TRHDE: variants seen among roughly 807,000 people sequenced by gnomAD.
TRHDE encodes thyrotropin-releasing hormone-degrading ectoenzyme.
A neutral mutation model predicts 125.7 loss-of-function variants in TRHDE; 72 were observed. The observed-to-expected ratio is 0.57, with a 90% CI of 0.47 to 0.70. The LOEUF (loss-of-function observed/expected upper bound fraction) is 0.70. Ranked by LOEUF, TRHDE falls within the 30% of genes least tolerant of loss-of-function variation. The pLI, the probability that TRHDE is intolerant of heterozygous loss-of-function variation, is 0.00. For missense variants in TRHDE, 1,110 were observed against 1,327.1 expected, an observed-to-expected ratio of 0.84 and a Z score of 2.54; for synonymous variants, 509 against 509.1, an observed-to-expected ratio of 1.00 and a Z score of 0.00.
intron 3 of TRHDE, among the ~76,000 whole-genome samples, chr12:72,381,676 G>A (rs1298697749): frequency 6.6e-6 from 1 of 152,148 alleles, no homozygotes; most frequent in Non-Finnish European, 1.5e-5. Context: ...GATTACAGGC[G>A]TGAGCCACCG....
At chr12:72,499,731 C>G in intron 6 of TRHDE, 96 bp downstream of exon 6, 1 of 1,365,702 alleles carries the variant, frequency 7.3e-7, no homozygotes, top group Non-Finnish European at 1.0e-6. Flanking sequence ...TTTTTCCGGG[C>G]AGATAGACAT....
intron 2 of TRHDE, among the ~76,000 whole-genome samples, chr12:72,326,114 A>G (rs1168332213): frequency 6.6e-6 from 1 of 152,176 alleles, no homozygotes; most frequent in Non-Finnish European, 1.5e-5. Context: ...TTCATGAGAA[A>G]AAAATAGTCT....
intron 12 of TRHDE, among the ~76,000 whole-genome samples, chr12:72,593,191 T>C (rs549434267): frequency 6.6e-6 from 1 of 152,212 alleles, no homozygotes; most frequent in Non-Finnish European, 1.5e-5. Context: ...TGTTTCCACA[T>C]GTTTTTTGCT....
intron 2 of TRHDE, among the ~76,000 whole-genome samples, chr12:72,152,649 A>T (rs1330516236): frequency 1.3e-5 from 2 of 152,232 alleles, no homozygotes; most frequent in Non-Finnish European, 2.9e-5. Flanking sequence ...ATCTATTGAG[A>T]TAATCACGTG....
chr12:72,337,734 G>A (rs1029721437), intron 2 of TRHDE, among the ~76,000 whole-genome samples: 11 of 151,930 alleles, frequency 7.2e-5, no homozygotes, highest in Admixed American at 2.0e-4. Flanking sequence ...TCTTTTGCTG[G>A]TCTAGATTCA....
chr12:72,515,796 T>A (rs1207340470), intron 6 of TRHDE, among the ~76,000 whole-genome samples: 3 of 152,036 alleles, frequency 2.0e-5, no homozygotes, highest in Non-Finnish European at 4.4e-5. Flanking sequence ...AAGTGTTTAA[T>A]CCATCTTGAA....
chr12:72,273,616 G>C lies in TRHDE; in HGVS notation c.914+59G>C. 6.7e-7 allele frequency: 1 copy of C among 1,491,858 alleles called. No individual in the cohort carries two copies. The highest frequency in any genetic ancestry group is 9.0e-7 in the Non-Finnish European group (1 of 1,113,662). 92.4% of individuals were successfully genotyped at this position (1,491,858 alleles called of 1,614,324 possible). On this transcript the variant is annotated intron_variant, in intron 1 of 18. Transcript: ENST00000261180. This position sits in a 1 kb window ranked among gnomAD's most constrained non-coding sequence, Gnocchi z 5.3. ...CCCCGGCGCGCGGCTCGAACCTCTG[G>C]GCGGCCTGCGACCCCGGGGACCCAG...
At chr12:72,358,815 A>G (rs1376162787) in intron 2 of TRHDE, among the ~76,000 whole-genome samples, 1 of 151,636 alleles carries the variant, frequency 6.6e-6, no homozygotes, top group Non-Finnish European at 1.5e-5. Context: ...AATTGCAGGT[A>G]AGGGAGAGAT....
intron 9 of TRHDE, among the ~76,000 whole-genome samples, chr12:72,567,787 T>C (rs559515432): frequency 1.3e-5 from 2 of 152,122 alleles, no homozygotes; most frequent in Non-Finnish European, 2.9e-5. Context: ...ATTGGACTTA[T>C]TGTAAGACCA....
At chr12:72,168,300 A>G (rs536800183) in intron 2 of TRHDE, among the ~76,000 whole-genome samples, 19 of 152,330 alleles carry the variant, frequency 1.2e-4, no homozygotes, top group Admixed American at 3.9e-4. Context: ...GGAGTTCTGG[A>G]CATAATTTAG....
chr12:72,262,865 T>C lies in TRHDE; in HGVS notation n.280-115130T>C, dbSNP rs545575370. The C allele has an allele frequency of 4.7e-4, 72 of 152,216 alleles. 1 individual carries two copies. The highest frequency in any genetic ancestry group is 1.7e-3 in the African/African-American group (71 of 41,536). The allele number at this position is 152,216 out of a possible 1,614,324, so 9.4% of individuals were successfully genotyped here. A position where few individuals can be genotyped will look rare whatever the true frequency, so the allele number is the denominator to read the frequency against. On this transcript the variant is annotated intron_variant and non_coding_transcript_variant, in intron 2 of 4. Transcript: ENST00000548156. The stretch of plus-strand genomic sequence containing the variant: ...AATCAATATTCATTACTTTTCCACA[T>C]TGAAAGATTAAAGGAATAAATAATT...
rs563995397 is a variant in TRHDE at position 72,393,997 on chromosome 12, C to T, written c.1315+15876C>T. Reference sequence around the variant, plus strand: ...TGGAATTAGAGCTAGTAACTGTAAACGTGTACACCTGGCTCATACAAACAT... The same window carrying T: ...TGGAATTAGAGCTAGTAACTGTAAATGTGTACACCTGGCTCATACAAACAT... On this transcript the variant is annotated intron_variant, in intron 3 of 18. Transcript: ENST00000261180. Among the ~76,000 whole-genome samples the T allele has an allele frequency of 5.1e-4, 78 of 152,230 alleles. 2 individuals carry two copies. The highest frequency in any genetic ancestry group is 4.4e-3 in the Admixed American group (68 of 15,296).
intron 5 of TRHDE, among the ~76,000 whole-genome samples, chr12:72,480,203 G>A (rs1292821197): frequency 1.3e-5 from 2 of 151,330 alleles, no homozygotes; most frequent in Non-Finnish European, 2.9e-5. Context: ...GGGTCAAATG[G>A]TATTTCTAGT....
At chr12:72,245,056 C>T (rs1250742075) in intron 2 of TRHDE, among the ~76,000 whole-genome samples, 1 of 151,984 alleles carries the variant, frequency 6.6e-6, no homozygotes, top group Non-Finnish European at 1.5e-5. Flanking sequence ...TAAAAATTGT[C>T]AAATTTTATC....
At chr12:72,533,723 G>GTTTTTTTTTTTTT in intron 6 of TRHDE, among the ~76,000 whole-genome samples, 4 of 97,896 alleles carry the variant, frequency 4.1e-5, no homozygotes, top group South Asian at 3.4e-4. Context: ...TTTTCTATTT[G>GTTTTTTTTTTTTT]TTTTTTTTTT....
chr12:72,395,834 A>C (rs1267812507), intron 3 of TRHDE, among the ~76,000 whole-genome samples: 1 of 152,192 alleles, frequency 6.6e-6, no homozygotes, highest in African/African-American at 2.4e-5. Context: ...TCTCCAAGAA[A>C]ACAATCTCAC....
At chr12:72,634,394 G>C (rs1873629141) in intron 15 of TRHDE, among the ~76,000 whole-genome samples, 1 of 150,548 alleles carries the variant, frequency 6.6e-6, no homozygotes, top group Non-Finnish European at 1.5e-5. Context: ...GTAAGCATTT[G>C]TAAGGCAGAA....
At chr12:72,091,619 A>T (rs1194926851) in intron 1 of TRHDE, among the ~76,000 whole-genome samples, 1 of 152,146 alleles carries the variant, frequency 6.6e-6, no homozygotes, top group East Asian at 1.9e-4. Flanking sequence ...ATATTGTTGG[A>T]GGCCGAAAGA....
chr12:72,272,166 G>C, upstream of TRHDE: 1 of 456,672 alleles, frequency 2.2e-6, no homozygotes, highest in Non-Finnish European at 4.4e-6. This position sits in a 1 kb window ranked among gnomAD's most constrained non-coding sequence, Gnocchi z 6.7. Context: ...GCCGCCGCTG[G>C]AGTGGGGGGA....
Sources: allele counts gnomAD v4.1 joint callset (sites outside exome capture counted in the v4.1 genomes callset), GRCh38; gene constraint gnomAD v4.1.1; non-coding constraint Gnocchi (gnomAD v3.1); transcripts MANE v1.5; gene names NCBI Gene and HGNC (gene_info 2026-07-23, HGNC 2026-07-21).